Variants in NAV1 observed in about 807,000 individuals in gnomAD.
The protein encoded by NAV1 is pore membrane and/or filament interacting like protein 3.
A neutral mutation model predicts 175.2 loss-of-function variants in NAV1; 18 were observed. That is an observed-to-expected ratio of 0.10 (90% CI 0.07 to 0.15). The LOEUF is 0.15. NAV1 is among the 10% of genes least tolerant of loss of function. The pLI is 1.00. For synonymous variants in NAV1, 897 were observed against 978.7 expected (o/e 0.92, Z 1.56); for missense variants, 1,731 against 2,436.6 (o/e 0.71, Z 6.10).
chr1:201,824,300 T>C (rs1571528942), exon 30 of NAV1: 1 of 152,190 alleles, frequency 6.6e-6, no homozygotes, highest in African/African-American at 2.4e-5. Flanking sequence ...ATGGATATAC[T>C]ACTCACAAGT....
chr1:201,807,822 T>C lies in NAV1; in HGVS notation c.3649-131T>C, dbSNP rs1002225110. 4.7e-5 allele frequency: 39 copies of C among 837,740 alleles called. No individual in the cohort carries two copies. In the Admixed American group the frequency reaches 6.2e-4, roughly 13 times the overall value. The allele number at this position is 837,740 out of a possible 1,614,324, so 51.9% of individuals were successfully genotyped here. On this transcript the variant is annotated intron_variant, in intron 17 of 29. Transcript: ENST00000367296. This position sits in a 1 kb window ranked among gnomAD's most constrained non-coding sequence, Gnocchi z 5.4. ...GTATTCTATGAATCAAGTGAAGTGT[T>C]ATAGAGGGTGGCTTAATTAAAGTAA...
At chr1:201,799,196 G>A (rs1388575453) in intron 15 of NAV1, among the ~76,000 whole-genome samples, 2 of 151,502 alleles carry the variant, frequency 1.3e-5, no homozygotes, top group Middle Eastern at 3.4e-3. Context: ...GTGTGTGTGT[G>A]GAGAGAGAGA....
intron 1 of NAV1, among the ~76,000 whole-genome samples, chr1:201,650,743 T>G (rs1669170784): frequency 6.6e-6 from 1 of 152,190 alleles, no homozygotes; most frequent in Non-Finnish European, 1.5e-5. Context: ...GATTTGGGCC[T>G]TTGGAGAACC....
In NAV1 at chr1:201,669,466, A is replaced by G. The variant is rs576041012; in HGVS notation, c.757+20041A>G. Among the ~76,000 whole-genome samples the G allele has an allele frequency of 2.6e-5, 4 of 152,320 alleles. No homozygotes were observed. The East Asian group carries it at 5.8e-4, about 22-fold the overall frequency. On this transcript the variant is annotated intron_variant, in intron 1 of 29. Transcript: ENST00000367296. Reference sequence around the variant, plus strand: ...AGGCCACCGAGGTGGCAGTGGTGCAACATGAAGCTGGGAAGATGGGAGGGT... The same window carrying G: ...AGGCCACCGAGGTGGCAGTGGTGCAGCATGAAGCTGGGAAGATGGGAGGGT...
chr1:201,570,759 G>T (rs1488665231), intron 1 of NAV1, among the ~76,000 whole-genome samples: 1 of 152,176 alleles, frequency 6.6e-6, no homozygotes, highest in Admixed American at 6.5e-5. Context: ...CCTCACTTGG[G>T]ATCTATTCTC....
chr1:201,731,440 A>G (rs772326694), intron 3 of NAV1, among the ~76,000 whole-genome samples: 44 of 152,060 alleles, frequency 2.9e-4, no homozygotes, highest in Non-Finnish European at 1.9e-4. Context: ...GCTCAGCCTG[A>G]GGGTTGGGGA....
chr1:201,796,317 C>T lies in NAV1; in HGVS notation c.3517+1740C>T, dbSNP rs1188292386. 3 of 151,990 alleles carry T rather than the reference C, an allele frequency of 2.0e-5. No individual in the cohort carries two copies. In the East Asian group the frequency reaches 5.8e-4, roughly 29 times the overall value. 9.4% of individuals were successfully genotyped at this position (151,990 alleles called of 1,614,324 possible). On this transcript the variant is annotated intron_variant, in intron 15 of 29. Coordinates refer to ENST00000367296, the Ensembl canonical transcript of NAV1. Reference sequence around the variant, plus strand: ...CAGCATATGAGGGTGCCGATATCTCCACATTCTTTGTTTTTGTTTTTTTGA... The same window carrying T: ...CAGCATATGAGGGTGCCGATATCTCTACATTCTTTGTTTTTGTTTTTTTGA...
chr1:201,761,517 C>T (rs757423630), intron 3 of NAV1, among the ~76,000 whole-genome samples: 24 of 152,166 alleles, frequency 1.6e-4, no homozygotes, highest in Non-Finnish European at 2.1e-4. Flanking sequence ...TTTCCTCTTT[C>T]AGTACTCACT....
At chr1:201,646,427 T>C (rs879794855), upstream of NAV1, among the ~76,000 whole-genome samples, 7 of 152,294 alleles carry the variant, frequency 4.6e-5, no homozygotes, top group East Asian at 7.7e-4. Context: ...GTGTGTGACA[T>C]TGCTTTTTTC....
At chr1:201,598,246 A>C (rs1173710183) in intron 2 of NAV1, among the ~76,000 whole-genome samples, 1 of 152,222 alleles carries the variant, frequency 6.6e-6, no homozygotes, top group East Asian at 1.9e-4. Flanking sequence ...GCTAAGGATA[A>C]GCTTGAAACC....
chr1:201,607,707 G>C (rs367900181), intron 2 of NAV1, among the ~76,000 whole-genome samples: 1 of 151,706 alleles, frequency 6.6e-6, no homozygotes, highest in Non-Finnish European at 1.5e-5. Flanking sequence ...GGCCAGGCTG[G>C]TCTCGAACTC....
At position 201,788,694 on chromosome 1, in the gene NAV1, A is replaced by G; in HGVS notation, c.3166+56A>G. 1 of 1,510,978 alleles carries G rather than the reference A, an allele frequency of 6.6e-7. No homozygotes were observed. The highest frequency in any genetic ancestry group is 9.0e-7 in the Non-Finnish European group (1 of 1,113,006). 93.6% of individuals were successfully genotyped at this position (1,510,978 alleles called of 1,614,324 possible). On this transcript the variant is annotated intron_variant, in intron 10 of 29. Coordinates refer to ENST00000367296, the Ensembl canonical transcript of NAV1. This position sits in a 1 kb window ranked among gnomAD's most constrained non-coding sequence, Gnocchi z 5.7. ...CATTCCAGCTCTGCTGGGTCCCCTCACCCACCACCTCCACTCCCACCACTC... is the reference window on the plus strand; with the variant it reads ...CATTCCAGCTCTGCTGGGTCCCCTCGCCCACCACCTCCACTCCCACCACTC...
chr1:201,611,837 C>T (rs1019408796), intron 2 of NAV1, among the ~76,000 whole-genome samples: 6 of 152,042 alleles, frequency 3.9e-5, no homozygotes, highest in African/African-American at 1.4e-4. Flanking sequence ...GGGAAATGGG[C>T]CAAAGGCGAG....
intron 3 of NAV1, among the ~76,000 whole-genome samples, chr1:201,728,737 T>G (rs978698878): frequency 2.0e-5 from 3 of 152,080 alleles, no homozygotes; most frequent in African/African-American, 7.2e-5. Flanking sequence ...AGTGCTAAGA[T>G]TACAGGTGTG....
chr1:201,718,377 G>A lies in NAV1; in HGVS notation c.861-13G>A. 1 of 1,524,602 alleles carries A rather than the reference G, an allele frequency of 6.6e-7. No homozygotes were observed. The highest frequency in any genetic ancestry group is 2.0e-5 in the Admixed American group (1 of 49,134). 94.4% of individuals were successfully genotyped at this position (1,524,602 alleles called of 1,614,324 possible). A position where few individuals can be genotyped will look rare whatever the true frequency, so the allele number is the denominator to read the frequency against. On this transcript the variant is annotated splice_polypyrimidine_tract_variant and intron_variant, in intron 2 of 29. Transcript: ENST00000367296. This position sits in a 1 kb window ranked among gnomAD's most constrained non-coding sequence, Gnocchi z 4.8. ...TGCCAAGGACTAAGTAGTGCCTTCT[G>A]CTCTCCACCCAGCTCCCTGGAGATG...
intron 13 of NAV1, chr1:201,792,512 G>A (rs746653533): frequency 4.6e-5 from 7 of 152,510 alleles, no homozygotes; most frequent in African/African-American, 1.4e-4. Context: ...CAGAGCAAAA[G>A]GGTTCCCCTG....
intron 1 of NAV1, among the ~76,000 whole-genome samples, chr1:201,627,762 G>C (rs936729873): frequency 3.7e-4 from 56 of 151,926 alleles, no homozygotes; most frequent in Non-Finnish European, 1.3e-4. Flanking sequence ...CAAAATCCCA[G>C]GTCCATTCTA....
At chr1:201,663,715 T>C (rs1669703082) in intron 1 of NAV1, among the ~76,000 whole-genome samples, 1 of 152,212 alleles carries the variant, frequency 6.6e-6, no homozygotes, top group Admixed American at 6.5e-5. Context: ...GGCTTGGTGC[T>C]GATCCATTAT....
At chr1:201,769,405 A>T (rs1256560548) in intron 3 of NAV1, among the ~76,000 whole-genome samples, 1 of 152,188 alleles carries the variant, frequency 6.6e-6, no homozygotes, top group East Asian at 1.9e-4. Flanking sequence ...AACTCTAGCA[A>T]GTGAGACAAT....
Sources: gnomAD v4.1 joint callset for allele counts (sites outside exome capture counted in the v4.1 genomes callset) on GRCh38, gnomAD v4.1.1 for gene constraint, Gnocchi (gnomAD v3.1) non-coding constraint, MANE v1.5 for transcripts, NCBI Gene and HGNC (gene_info 2026-07-23, HGNC 2026-07-21) for gene names.